HAL: variants seen among roughly 807,000 people sequenced by gnomAD.
The protein encoded by HAL is histidine ammonia-lyase, also known as histidase.
Under a neutral mutation model 81.1 loss-of-function variants are expected in HAL, and 85 were observed. The ratio of observed to expected loss-of-function variants is 1.05; its 90% CI spans 0.88 to 1.25. The LOEUF (loss-of-function observed/expected upper bound fraction) is 1.25, where lower values mean the gene tolerates loss of function less well. Ranked by LOEUF, HAL falls within the 50% of genes most tolerant of loss-of-function variation. The pLI is 0.00. For synonymous variants in HAL, 301 were observed against 309.2 expected (o/e 0.97, Z 0.28); for missense variants, 798 against 836.6 (o/e 0.95, Z 0.57).
chr12:95,977,374 A>C (rs2080733422), intron 18 of HAL, among the ~76,000 whole-genome samples: 1 of 145,136 alleles, frequency 6.9e-6, no homozygotes, highest in Admixed American at 7.5e-5. Flanking sequence ...AATATGTTTT[A>C]AAAGTCTCAT....
At chr12:95,993,513 CT>C in intron 7 of HAL, 25 bp from the exon 8 acceptor site, 1 of 1,498,756 alleles carries the variant, frequency 6.7e-7, no homozygotes, top group Non-Finnish European at 9.3e-7. Context: ...TAAAAACCCT[CT>C]TAGATACATT....
intron 15 of HAL, 170 bp downstream of exon 15, chr12:95,983,741 G>C (rs984113701): frequency 5.2e-5 from 34 of 650,246 alleles, no homozygotes; most frequent in Non-Finnish European, 8.1e-5. Flanking sequence ...CCACTTACCA[G>C]CTCTGACCTG....
In HAL at chr12:95,980,653, G is replaced by C; in HGVS notation, c.1422C>G (p.Leu474=). 1 of 1,613,984 alleles carries C rather than the reference G, an allele frequency of 6.2e-7. No homozygotes were observed. The highest frequency in any genetic ancestry group is 8.5e-7 in the Non-Finnish European group (1 of 1,179,820). The change falls in exon 17 of 21, where the codon CTC becomes CTG. Residue 474 remains leucine (L), a synonymous_variant. Transcript: ENST00000261208. ...AAISERRIER[L]CNPSLSELPA... is the part of the protein sequence containing the mutation. ...GCAGCTCACTGAGGGAGGGATTGCA[G>C]AGCCGCTCGATTCTTCTCTCACTGA... is the stretch of plus-strand genomic sequence containing the variant.
intron 10 of HAL, 74 bp from the exon 11 acceptor site, chr12:95,988,314 C>A: frequency 1.2e-6 from 1 of 811,700 alleles, no homozygotes; most frequent in Non-Finnish European, 2.2e-6. Flanking sequence ...ATATGGAATC[C>A]AATAATAGCT....
intron 20 of HAL, among the ~76,000 whole-genome samples, chr12:95,975,347 C>CTTTTT (rs35532808): frequency 1.4e-5 from 2 of 141,990 alleles, no homozygotes; most frequent in Non-Finnish European, 1.5e-5. Context: ...CCTCTTTTTT[C>CTTTTT]TTTTTTTTTT....
Position 95,973,256 on chromosome 12 carries a change from A to C in HAL, c.*976T>G, listed in dbSNP as rs762280245. Reference sequence around the variant, plus strand: ...CAAGAGGTCATGTGACCCATCCTTCATCTGGACAGATACACTTAAGCCATC... The same window carrying C: ...CAAGAGGTCATGTGACCCATCCTTCCTCTGGACAGATACACTTAAGCCATC... On this transcript the variant is annotated 3_prime_UTR_variant, in exon 21 of 21. Transcript: ENST00000261208. 13 of 152,114 alleles carry C rather than the reference A, an allele frequency of 8.5e-5. No individual in the cohort carries two copies. The highest frequency in any genetic ancestry group is 1.8e-4 in the Non-Finnish European group (12 of 68,042). 9.4% of individuals were successfully genotyped at this position (152,114 alleles called of 1,614,324 possible). A position where few individuals can be genotyped will look rare whatever the true frequency, so the allele number is the denominator to read the frequency against.
At chr12:95,981,230 G>C (rs1220483592) in intron 15 of HAL, among the ~76,000 whole-genome samples, 1 of 152,142 alleles carries the variant, frequency 6.6e-6, no homozygotes, top group Non-Finnish European at 1.5e-5. Flanking sequence ...AGCAACTTCT[G>C]TTTCTTCAAT....
At position 95,978,015 on chromosome 12, in the gene HAL, G is replaced by T; in HGVS notation, c.1583C>A (p.Thr528Lys). The T allele has an allele frequency of 6.2e-7, 1 of 1,612,572 alleles. No individual in the cohort carries two copies. ...SVDSLSTSAA[T>K]EDHVSMGGWA... Reference sequence around the variant, plus strand: ...TCCTCCCATGGAGACGTGGTCCTCCGTGGCTGCGCTGGTGGAGAGGGAGTC... The same window carrying T: ...TCCTCCCATGGAGACGTGGTCCTCCTTGGCTGCGCTGGTGGAGAGGGAGTC... The change falls in exon 18 of 21, where the codon ACG becomes AAG. Residue 528 changes from threonine (T) to lysine (K), a missense_variant. Thr to Lys is a moderately conservative substitution (Grantham distance 78). Transcript: ENST00000261208.
At position 95,995,649 on chromosome 12, in the gene HAL, C is replaced by G. The variant is rs754443954; in HGVS notation, c.247+15G>C. 2 of 1,612,870 alleles carry G rather than the reference C, an allele frequency of 1.2e-6. No homozygotes were observed. Among genetic ancestry groups the G allele is most frequent in the Non-Finnish European group, 8.5e-7 (1 of 1,180,038 alleles). On this transcript the variant is annotated intron_variant, in intron 2 of 20. Transcript: ENST00000261208. ...AAACCGCACCCGTTCGCGGCCCTCT[C>G]CTGCAGCCACTCACCCACTTCCACG...
chr12:95,994,742 C>G, intron 4 of HAL, 56 bp downstream of exon 4: 1 of 1,553,274 alleles, frequency 6.4e-7, no homozygotes, highest in Non-Finnish European at 8.9e-7. Flanking sequence ...GCTTTCCTCC[C>G]TCTTAAATAA....
intron 20 of HAL, chr12:95,975,960 A>T (rs1592834648): frequency 8.1e-6 from 2 of 247,078 alleles, no homozygotes; most frequent in East Asian, 2.0e-4. Context: ...AGAAAGAAAA[A>T]CCCGCATCTC....
At chr12:95,984,077 C>T in intron 14 of HAL, 86 bp from the exon 15 acceptor site, 1 of 741,484 alleles carries the variant, frequency 1.3e-6, no homozygotes, top group Non-Finnish European at 2.4e-6. Flanking sequence ...AAGATCTTAT[C>T]TTAAAGTTAT....
intron 14 of HAL, among the ~76,000 whole-genome samples, chr12:95,985,422 C>T (rs575584404): frequency 6.6e-6 from 1 of 151,970 alleles, no homozygotes; most frequent in South Asian, 2.1e-4. Context: ...GGTGAGACCC[C>T]ATCTCTACTA....
chr12:95,976,124 A>T (rs1013104889), intron 20 of HAL: 1 of 404,876 alleles, frequency 2.5e-6, no homozygotes, highest in African/African-American at 2.1e-5. Flanking sequence ...GACATCTTGC[A>T]GGGGTGGGGA....
In HAL at chr12:95,995,944, A is replaced by T; in HGVS notation, c.-34T>A. The T allele has an allele frequency of 6.3e-7, 1 of 1,599,170 alleles. No individual in the cohort carries two copies. Among genetic ancestry groups the T allele is most frequent in the Non-Finnish European group, 8.5e-7 (1 of 1,179,428 alleles). On this transcript the variant is annotated 5_prime_UTR_variant, in exon 2 of 21. Transcript: ENST00000261208. ...TGCAGCCTGAGGTCCTCAGCTGGTC[A>T]CAGGAGGGGAGAGCTTTATGCAGGA...
Position 95,974,362 on chromosome 12 carries a change from A to G in HAL, c.1844T>C (p.Val615Ala). The G allele has an allele frequency of 1.2e-6, 2 of 1,613,690 alleles. No homozygotes were observed. Among genetic ancestry groups the G allele is most frequent in the Non-Finnish European group, 1.7e-6 (2 of 1,179,564 alleles). The stretch of plus-strand genomic sequence containing the variant: ...GTATTTTTCAATGTATGGAGCAGCT[A>G]CTTCCCAAACCTGAAAAGCAAGGAC... ...RLLLEQKVWE[V>A]AAPYIEKYRM... The change falls in exon 21 of 21, where the codon GTA (valine) becomes GCA (alanine). Residue 615 changes from valine (V) to alanine (A), a missense_variant. By Grantham distance (64) the Val-to-Ala change is moderately conservative (BLOSUM62 0). Transcript: ENST00000261208.
chr12:95,990,393 G>C lies in HAL; in HGVS notation c.855C>G (p.Tyr285Ter). ...AGATAGAAGCTGCTACGAGTCTTAC[G>C]TATTTAGCATCAGCCCAGCCACTCT... ...SPKSGWADAK[Y>*]VLEAHGLKPV... The change falls in exon 10 of 21, where the codon TAC becomes TAG. Residue 285 changes from tyrosine (Y) to a stop codon, truncating the protein, a stop_gained and splice_region_variant. Transcript: ENST00000261208. LOFTEE classifies it high-confidence loss of function. 1 of 1,612,232 alleles carries C rather than the reference G, an allele frequency of 6.2e-7. No homozygotes were observed. Among genetic ancestry groups the C allele is most frequent in the South Asian group, 1.1e-5 (1 of 91,052 alleles).
Position 95,990,397 on chromosome 12 carries a change from T to G in HAL, c.851A>C (p.Lys284Thr). Reference sequence around the variant, plus strand: ...AGAAGCTGCTACGAGTCTTACGTATTTAGCATCAGCCCAGCCACTCTTCGG... The same window carrying G: ...AGAAGCTGCTACGAGTCTTACGTATGTAGCATCAGCCCAGCCACTCTTCGG... ...WSPKSGWADA[K>T]YVLEAHGLKP... Residue 284 changes from lysine to threonine, a missense_variant, in exon 10 of 21, where the codon AAA becomes ACA. Transcript: ENST00000261208. 6.2e-7 allele frequency: 1 copy of G among 1,613,210 alleles called. No homozygotes were observed.
chr12:95,985,357 G>A (rs1949868666), intron 14 of HAL, among the ~76,000 whole-genome samples: 2 of 152,244 alleles, frequency 1.3e-5, no homozygotes, highest in South Asian at 4.2e-4. Flanking sequence ...ACTTTGGGAG[G>A]CTGAGGCAGG....
Sources: allele counts gnomAD v4.1 joint callset (sites outside exome capture counted in the v4.1 genomes callset), GRCh38; gene constraint gnomAD v4.1.1; transcripts MANE v1.5; gene names NCBI Gene and HGNC (gene_info 2026-07-23, HGNC 2026-07-21).